The following CCDC91 variants were observed in gnomAD, a reference collection of about 807,000 sequenced individuals.
The protein encoded by CCDC91 is coiled-coil domain-containing protein 91.
Under a neutral mutation model 63.2 loss-of-function variants are expected in CCDC91, and 48 were observed. The observed-to-expected ratio is 0.76, with a 90% CI of 0.60 to 0.97. The LOEUF is 0.97. Ranked by LOEUF, CCDC91 falls within the 50% of genes least tolerant of loss-of-function variation. The probability of loss-of-function intolerance (pLI) is 0.00; values close to 1 mark genes in which losing one functional copy is unlikely to be tolerated. For synonymous variants in CCDC91, 167 were observed against 165.8 expected (o/e 1.01, Z -0.06); for missense variants, 500 against 494.6 (o/e 1.01, Z -0.10).
chr12:28,474,095 G>A (rs535585495), intron 11 of CCDC91, among the ~76,000 whole-genome samples: 19 of 152,002 alleles, frequency 1.2e-4, no homozygotes, highest in African/African-American at 4.6e-4. Context: ...TGCTTACTCT[G>A]GTAATATTCA....
chr12:28,364,701 T>G (rs1395650496), intron 7 of CCDC91, among the ~76,000 whole-genome samples: 1 of 147,550 alleles, frequency 6.8e-6, no homozygotes, highest in Admixed American at 6.9e-5. Flanking sequence ...ACTTGCTATC[T>G]AGAAAAAGAG....
chr12:28,438,273 C>G (rs1465997076), intron 8 of CCDC91, among the ~76,000 whole-genome samples: 1 of 152,070 alleles, frequency 6.6e-6, no homozygotes, highest in Non-Finnish European at 1.5e-5. Context: ...GTCATGAGGG[C>G]TCCACCATAT....
intron 11 of CCDC91, among the ~76,000 whole-genome samples, chr12:28,477,346 A>G (rs1356216214): frequency 6.6e-6 from 1 of 152,202 alleles, no homozygotes; most frequent in East Asian, 1.9e-4. Flanking sequence ...AATCCAGCAT[A>G]TAAACAGATC....
At chr12:28,250,068 C>T (rs537743391) in intron 1 of CCDC91, among the ~76,000 whole-genome samples, 1 of 152,160 alleles carries the variant, frequency 6.6e-6, no homozygotes, top group East Asian at 1.9e-4. Context: ...GAGATAGAAT[C>T]AGAGGGCTAT....
chr12:28,517,744 T>C (rs1940108330), intron 12 of CCDC91, among the ~76,000 whole-genome samples: 1 of 151,858 alleles, frequency 6.6e-6, no homozygotes, highest in South Asian at 2.1e-4. Context: ...ACCCAAGCAG[T>C]ATACACTGCA....
intron 1 of CCDC91, among the ~76,000 whole-genome samples, chr12:28,221,335 G>A (rs1943931876): frequency 6.6e-6 from 1 of 151,936 alleles, no homozygotes; most frequent in South Asian, 2.1e-4. Context: ...CTGCTTTTAT[G>A]TCCGCTGATT....
At chr12:28,260,057 A>G (rs919158420) in intron 3 of CCDC91, among the ~76,000 whole-genome samples, 18 of 151,974 alleles carry the variant, frequency 1.2e-4, no homozygotes, top group African/African-American at 4.1e-4. Context: ...ACAGTTATTT[A>G]TTGTAAAATA....
intron 6 of CCDC91, among the ~76,000 whole-genome samples, chr12:28,357,802 T>G (rs555901066): frequency 6.6e-6 from 1 of 152,260 alleles, no homozygotes; most frequent in South Asian, 2.1e-4. Flanking sequence ...TTTTTTTGCT[T>G]AAAAAATCCA....
intron 12 of CCDC91, among the ~76,000 whole-genome samples, chr12:28,495,593 CTGT>C (rs1255341557): frequency 1.3e-5 from 2 of 151,724 alleles, no homozygotes. Flanking sequence ...AAGGCAGACA[CTGT>C]TGTTCACAGA....
chr12:28,231,434 C>T (rs555217198), intron 1 of CCDC91, among the ~76,000 whole-genome samples: 1 of 152,296 alleles, frequency 6.6e-6, no homozygotes, highest in East Asian at 1.9e-4. Flanking sequence ...TATCTTTGTA[C>T]ATCCTTAGTA....
intron 12 of CCDC91, among the ~76,000 whole-genome samples, chr12:28,497,994 G>A (rs1952401307): frequency 6.6e-6 from 1 of 151,472 alleles, no homozygotes; most frequent in African/African-American, 2.4e-5. Context: ...TCTTGTCTGG[G>A]GTGGAGCTTA....
intron 8 of CCDC91, among the ~76,000 whole-genome samples, chr12:28,435,575 T>C (rs533905012): frequency 1.3e-5 from 2 of 151,956 alleles, no homozygotes; most frequent in African/African-American, 4.8e-5. Context: ...TGAGAAAGAA[T>C]GTTTATTGTG....
intron 1 of CCDC91, chr12:28,236,090 TGA>T (rs1423449429): frequency 5.9e-5 from 9 of 152,134 alleles, no homozygotes; most frequent in Admixed American, 1.3e-4. Flanking sequence ...CAAAATTCAC[TGA>T]GTTTGTGTCA....
chr12:28,390,215 A>G (rs941793065), intron 7 of CCDC91, among the ~76,000 whole-genome samples: 13 of 152,116 alleles, frequency 8.5e-5, no homozygotes, highest in African/African-American at 2.9e-4. Flanking sequence ...TTAAAAATAC[A>G]TGCCTATTTA....
chr12:28,529,889 T>G (rs1397079561), intron 12 of CCDC91, among the ~76,000 whole-genome samples: 1 of 152,210 alleles, frequency 6.6e-6, no homozygotes, highest in East Asian at 1.9e-4. Flanking sequence ...TCTTTCTGAC[T>G]AGAAATCAGA....
At chr12:28,291,972 A>G (rs1949279342) in intron 3 of CCDC91, among the ~76,000 whole-genome samples, 1 of 152,142 alleles carries the variant, frequency 6.6e-6, no homozygotes, top group Non-Finnish European at 1.5e-5. Context: ...AACTTCTTGA[A>G]CCACCAATGC....
At chr12:28,437,532 T>C (rs573136978) in intron 8 of CCDC91, among the ~76,000 whole-genome samples, 113 of 152,250 alleles carry the variant, frequency 7.4e-4, no homozygotes, top group Middle Eastern at 6.8e-3. Flanking sequence ...TTGATAATTC[T>C]ACCTTACCTT....
chr12:28,270,610 A>G (rs915867823), intron 3 of CCDC91, among the ~76,000 whole-genome samples: 1 of 152,170 alleles, frequency 6.6e-6, no homozygotes, highest in Non-Finnish European at 1.5e-5. Context: ...AGAATTGTAC[A>G]TTAAATGTGC....
At chr12:28,524,195 T>A (rs1390723893) in intron 12 of CCDC91, among the ~76,000 whole-genome samples, 1 of 152,132 alleles carries the variant, frequency 6.6e-6, no homozygotes, top group Admixed American at 6.6e-5. Flanking sequence ...AGCCTTGTCT[T>A]GTTCCAGTTC....
Sources: gnomAD v4.1 joint callset for allele counts (sites outside exome capture counted in the v4.1 genomes callset) on GRCh38, gnomAD v4.1.1 for gene constraint, MANE v1.5 for transcripts, NCBI Gene and HGNC (gene_info 2026-07-23, HGNC 2026-07-21) for gene names.